The following PXDNL variants were observed in gnomAD, a reference collection of about 807,000 sequenced individuals.
PXDNL encodes the protein probable oxidoreductase PXDNL.
PXDNL carries 145 observed loss-of-function variants against 150.8 expected under a neutral mutation model. The ratio of observed to expected loss-of-function variants is 0.96; its 90% CI spans 0.84 to 1.10. The LOEUF (loss-of-function observed/expected upper bound fraction) is 1.10. Among genes scored for constraint, PXDNL ranks in the 50% least tolerant of loss-of-function variants. The probability of loss-of-function intolerance (pLI) is 0.00; values close to 1 mark genes in which losing one functional copy is unlikely to be tolerated. For synonymous variants in PXDNL, 757 were observed against 725.7 expected, an observed-to-expected ratio of 1.04 and a Z score of -0.69; for missense variants, 2,087 against 1,873.9, an observed-to-expected ratio of 1.11 and a Z score of -2.10.
At chr8:51,428,184 T>TA (rs1009103767) in intron 12 of PXDNL, among the ~76,000 whole-genome samples, 5 of 152,058 alleles carry the variant, frequency 3.3e-5, no homozygotes, top group Admixed American at 6.5e-5. Flanking sequence ...ACTTATAAAC[T>TA]AAAAACTACA....
At chr8:51,663,207 GCACTGCCTC>G (rs1049221649) in intron 1 of PXDNL, among the ~76,000 whole-genome samples, 1 of 152,204 alleles carries the variant, frequency 6.6e-6, no homozygotes, top group Non-Finnish European at 1.5e-5. Context: ...GACACAGCAG[GCACTGCCTC>G]CATTGCCCTG....
chr8:51,590,760 G>T (rs1041482822), intron 3 of PXDNL, among the ~76,000 whole-genome samples: 1 of 152,034 alleles, frequency 6.6e-6, no homozygotes, highest in Non-Finnish European at 1.5e-5. Flanking sequence ...AGCTGGAGAG[G>T]AATTTGCCTC....
At chr8:51,608,043 A>G (rs968048980) in intron 2 of PXDNL, among the ~76,000 whole-genome samples, 1 of 127,362 alleles carries the variant, frequency 7.9e-6, no homozygotes, top group Non-Finnish European at 1.6e-5. Flanking sequence ...GAAAGAAAGA[A>G]AGAAAGAAAG....
intron 17 of PXDNL, among the ~76,000 whole-genome samples, chr8:51,402,519 A>AAAAT (rs540930401): frequency 3.9e-5 from 6 of 152,124 alleles, no homozygotes; most frequent in Admixed American, 1.3e-4. Context: ...ACTCCGTCTC[A>AAAAT]AAATAAATAA....
chr8:51,523,683 C>T (rs1189811272), intron 4 of PXDNL, among the ~76,000 whole-genome samples: 1 of 152,140 alleles, frequency 6.6e-6, no homozygotes, highest in Non-Finnish European at 1.5e-5. Flanking sequence ...GCAAACTGCA[C>T]CTGCTTTTGT....
At chr8:51,719,036 CGG>C (rs1176570958) in intron 1 of PXDNL, among the ~76,000 whole-genome samples, 1 of 151,616 alleles carries the variant, frequency 6.6e-6, no homozygotes, top group Non-Finnish European at 1.5e-5. Flanking sequence ...GGGAGGGAGG[CGG>C]GGGGCACCTC....
chr8:51,371,994 A>C lies in PXDNL; in HGVS notation c.3780T>G (p.Asn1260Lys), dbSNP rs1179204194. The C allele has an allele frequency of 6.2e-7, 1 of 1,613,554 alleles. No homozygotes were observed. The highest frequency in any genetic ancestry group is 8.5e-7 in the Non-Finnish European group (1 of 1,179,756). ...QASLSRVLCD[N>K]GDSIQQVQAD... is the part of the protein sequence containing the mutation. The stretch of plus-strand genomic sequence containing the variant: ...CCTGCACTTGCTGAATGCTGTCACC[A>C]TTGTCACAAAGCACCCGGCTCAGGG... Residue 1260 changes from asparagine (N) to lysine (K), a missense_variant, in exon 19 of 23, where the codon AAT (asparagine) becomes AAG (lysine). Asn to Lys is a moderately conservative substitution (Grantham distance 94, BLOSUM62 0). Coordinates refer to ENST00000356297, the MANE Select transcript of PXDNL (RefSeq NM_144651.5).
At chr8:51,753,532 TC>T (rs1328628087) in intron 1 of PXDNL, among the ~76,000 whole-genome samples, 2 of 152,344 alleles carry the variant, frequency 1.3e-5, no homozygotes, top group East Asian at 3.9e-4. Context: ...TTCATTCTGA[TC>T]CATAGTATCG....
intron 8 of PXDNL, 101 bp from the exon 9 acceptor site, chr8:51,457,768 T>C (rs28565404): frequency 0.14 from 104,922 of 737,778 alleles, 10,036 homozygotes; most frequent in African/African-American, 0.39. Flanking sequence ...GTTTCATGTC[T>C]ACCAAATTTG....
Position 51,408,864 on chromosome 8 carries a change from C to CA in PXDNL, c.2759dup (p.Lys921GlufsTer100). ...AGGGAGGCCAAGGAAAGCCTGTCTT[C>CA]AGGAGACCCCGAGGCACCGAAGGGT... On this transcript the variant is annotated frameshift_variant, in exon 17 of 23. Coordinates refer to ENST00000356297, the MANE Select transcript of PXDNL (RefSeq NM_144651.5). LOFTEE classifies it high-confidence loss of function. The CA allele has an allele frequency of 1.9e-6, 3 of 1,590,760 alleles. No homozygotes were observed. The highest frequency in any genetic ancestry group is 2.6e-6 in the Non-Finnish European group (3 of 1,169,216).
chr8:51,461,447 G>A (rs192320834), intron 8 of PXDNL, among the ~76,000 whole-genome samples: 3 of 152,330 alleles, frequency 2.0e-5, no homozygotes, highest in East Asian at 3.9e-4. Flanking sequence ...GTAAGCTAGA[G>A]GGCAGCCACC....
chr8:51,344,369 C>A lies in PXDNL; in HGVS notation c.4016+1464G>T, dbSNP rs776749662. On this transcript the variant is annotated intron_variant, in intron 20 of 22. Coordinates refer to ENST00000356297, the MANE Select transcript of PXDNL (RefSeq NM_144651.5). ...TCCTGGCTTCAGGTGATGCTCCCAC[C>A]TCAGCTTCCTGAATATTTGGGACCA... Among the ~76,000 whole-genome samples the A allele has an allele frequency of 3.3e-5, 5 of 152,118 alleles. 1 individual carries two copies. The highest frequency in any genetic ancestry group is 2.0e-4 in the Admixed American group (3 of 15,268).
chr8:51,474,876 C>T lies in PXDNL; in HGVS notation c.694+96G>A, dbSNP rs543599629. ...TCCTTAAAAACACTTTCTGATAACACGTTCTTCTAAAATGCAATATTATAT... is the reference window on the plus strand; with the variant it reads ...TCCTTAAAAACACTTTCTGATAACATGTTCTTCTAAAATGCAATATTATAT... On this transcript the variant is annotated intron_variant, in intron 7 of 22. Coordinates refer to ENST00000356297, the MANE Select transcript of PXDNL (RefSeq NM_144651.5). The T allele has an allele frequency of 2.3e-5, 24 of 1,033,080 alleles. No homozygotes were observed. In the South Asian group the frequency reaches 4.0e-4, roughly 17 times the overall value. 64.0% of individuals were successfully genotyped at this position (1,033,080 alleles called of 1,614,324 possible).
intron 2 of PXDNL, among the ~76,000 whole-genome samples, chr8:51,618,030 G>T (rs538573393): frequency 1.3e-5 from 2 of 152,242 alleles, no homozygotes; most frequent in Non-Finnish European, 2.9e-5. Flanking sequence ...CATTTTGAAA[G>T]TCGCTGCTTC....
intron 4 of PXDNL, among the ~76,000 whole-genome samples, chr8:51,523,593 C>A (rs1200116078): frequency 6.6e-6 from 1 of 152,162 alleles, no homozygotes; most frequent in Admixed American, 6.5e-5. Flanking sequence ...CTAGATGATG[C>A]CCAATGTCCC....
chr8:51,668,373 C>T (rs1339991722), intron 1 of PXDNL, among the ~76,000 whole-genome samples: 2 of 151,956 alleles, frequency 1.3e-5, no homozygotes, highest in South Asian at 2.1e-4. Context: ...TGGTGTTTCA[C>T]CATGCTGGCC....
chr8:51,374,515 T>A (rs1586046579), intron 18 of PXDNL, 82 bp downstream of exon 18: 8 of 1,395,646 alleles, frequency 5.7e-6, no homozygotes, highest in Non-Finnish European at 7.0e-6. Context: ...CATAAAAATA[T>A]GAATCACAAT....
At chr8:51,533,228 G>A (rs7825498) in intron 4 of PXDNL, among the ~76,000 whole-genome samples, 12,060 of 152,104 alleles carry the variant, frequency 0.079, 769 homozygotes, top group East Asian at 0.23. Flanking sequence ...TCAGCTCACT[G>A]CAACCTCTGC....
chr8:51,455,814 G>A (rs1464795585), intron 9 of PXDNL, among the ~76,000 whole-genome samples: 1 of 152,102 alleles, frequency 6.6e-6, no homozygotes, highest in Non-Finnish European at 1.5e-5. Flanking sequence ...ATCACTTAAG[G>A]ACAGGAGTTT....
Sources: allele counts gnomAD v4.1 joint callset (sites outside exome capture counted in the v4.1 genomes callset), GRCh38; gene constraint gnomAD v4.1.1; transcripts MANE v1.5; gene names NCBI Gene and HGNC (gene_info 2026-07-23, HGNC 2026-07-21).